The following PTPRD variants were observed in gnomAD, a reference collection of about 807,000 sequenced individuals.
The protein encoded by PTPRD is protein tyrosine phosphatase receptor type D.
PTPRD carries 34 observed loss-of-function variants against 214.5 expected under a neutral mutation model. The ratio of observed to expected loss-of-function variants is 0.16; its 90% confidence interval spans 0.12 to 0.21. PTPRD has a LOEUF of 0.21. PTPRD is among the 10% of genes least tolerant of loss of function. The pLI is 1.00. For synonymous variants in PTPRD, 1,128 were observed against 845.7 expected, an observed-to-expected ratio of 1.33 and a Z score of -5.79; for missense variants, 2,545 against 2,398.7, an observed-to-expected ratio of 1.06 and a Z score of -1.27.
intron 7 of PTPRD, among the ~76,000 whole-genome samples, chr9:9,609,438 A>G (rs1353774920): frequency 1.3e-5 from 2 of 152,176 alleles, no homozygotes; most frequent in African/African-American, 2.4e-5. Flanking sequence ...ATGTATATCA[A>G]GTAACAATGT....
chr9:10,107,540 C>G (rs2098646527), intron 3 of PTPRD, among the ~76,000 whole-genome samples: 1 of 152,068 alleles, frequency 6.6e-6, no homozygotes, highest in Non-Finnish European at 1.5e-5. Flanking sequence ...CTTAAGCAAT[C>G]TCATCTGTCC....
chr9:8,351,371 T>C (rs950234405), intron 39 of PTPRD, among the ~76,000 whole-genome samples: 4 of 151,964 alleles, frequency 2.6e-5, no homozygotes, highest in African/African-American at 7.2e-5. Context: ...GCAGTACAGA[T>C]AAACTTTCAC....
chr9:8,757,641 TACATAC>T (rs1231930798), intron 11 of PTPRD, among the ~76,000 whole-genome samples: 1,582 of 141,134 alleles, frequency 0.011, 21 homozygotes, highest in African/African-American at 0.034. Flanking sequence ...TATATATATA[TACATAC>T]ATATATACAT....
chr9:9,410,096 T>C (rs1319543460), intron 8 of PTPRD, among the ~76,000 whole-genome samples: 1 of 152,142 alleles, frequency 6.6e-6, no homozygotes, highest in South Asian at 2.1e-4. Flanking sequence ...AGCAGCCTTA[T>C]ACAAATTCAA....
At chr9:8,373,764 C>G (rs1265211610) in intron 39 of PTPRD, among the ~76,000 whole-genome samples, 1 of 151,388 alleles carries the variant, frequency 6.6e-6, no homozygotes, top group Non-Finnish European at 1.5e-5. Context: ...AAACCCATAC[C>G]TTGCTTATAA....
At chr9:10,194,185 C>T (rs1483418189) in intron 3 of PTPRD, among the ~76,000 whole-genome samples, 1 of 151,958 alleles carries the variant, frequency 6.6e-6, no homozygotes, top group African/African-American at 2.4e-5. Context: ...TCGTGCTTCT[C>T]ACTTTATCCT....
At chr9:9,629,098 C>G (rs186216932) in intron 7 of PTPRD, among the ~76,000 whole-genome samples, 3 of 151,426 alleles carry the variant, frequency 2.0e-5, no homozygotes, top group African/African-American at 7.3e-5. Flanking sequence ...CACTTGAACC[C>G]GGGAGGCGGA....
At chr9:10,504,115 C>CAACAAAAAAAA (rs1555439817) in intron 2 of PTPRD, among the ~76,000 whole-genome samples, 1 of 26,964 alleles carries the variant, frequency 3.7e-5, no homozygotes, top group African/African-American at 1.8e-4. Context: ...GACTCTGTCT[C>CAACAAAAAAAA]AAAAAAAAAA....
intron 4 of PTPRD, among the ~76,000 whole-genome samples, chr9:9,955,506 T>TTTTTG (rs1206298867): frequency 5.3e-5 from 8 of 149,890 alleles, no homozygotes; most frequent in African/African-American, 7.4e-5. Context: ...GTTTTCGTTT[T>TTTTTG]TTTTGTTTTG....
chr9:8,926,531 G>A (rs930105065), intron 11 of PTPRD, among the ~76,000 whole-genome samples: 4 of 152,116 alleles, frequency 2.6e-5, no homozygotes, highest in Non-Finnish European at 5.9e-5. Context: ...TGTTTTAACT[G>A]AAAATTTCTT....
intron 8 of PTPRD, among the ~76,000 whole-genome samples, chr9:9,404,877 T>C (rs552052907): frequency 6.6e-6 from 1 of 152,186 alleles, no homozygotes. Flanking sequence ...CTGTGCTAGA[T>C]GGGATGGTTT....
At chr9:9,689,303 T>C (rs1356165060) in intron 7 of PTPRD, among the ~76,000 whole-genome samples, 1 of 151,904 alleles carries the variant, frequency 6.6e-6, no homozygotes, top group Non-Finnish European at 1.5e-5. Flanking sequence ...CTGTGTTATG[T>C]TAATCATTCC....
chr9:10,399,482 T>A (rs1436773475), intron 2 of PTPRD, among the ~76,000 whole-genome samples: 1 of 151,964 alleles, frequency 6.6e-6, no homozygotes, highest in African/African-American at 2.4e-5. Flanking sequence ...CTAAAATGTG[T>A]TCAGGCAGTG....
At chr9:8,328,709 C>T (rs1039299798) in intron 44 of PTPRD, among the ~76,000 whole-genome samples, 17 of 151,926 alleles carry the variant, frequency 1.1e-4, no homozygotes, top group African/African-American at 2.7e-4. Context: ...CCATATTTCT[C>T]GGAGGCTTTG....
intron 11 of PTPRD, among the ~76,000 whole-genome samples, chr9:8,828,359 A>G (rs2097215429): frequency 6.6e-6 from 1 of 152,196 alleles, no homozygotes; most frequent in East Asian, 1.9e-4. Flanking sequence ...TGCTCTTATA[A>G]GAAGAAACAT....
intron 10 of PTPRD, among the ~76,000 whole-genome samples, chr9:9,074,906 C>T (rs547237744): frequency 7.5e-6 from 1 of 133,030 alleles, no homozygotes; most frequent in East Asian, 2.2e-4. Flanking sequence ...GTATTTTGGG[C>T]AAAAAAAAAA....
At chr9:9,519,326 G>A (rs1359259328) in intron 8 of PTPRD, among the ~76,000 whole-genome samples, 1 of 148,028 alleles carries the variant, frequency 6.8e-6, no homozygotes, top group African/African-American at 2.5e-5. Context: ...ATACAAAGTA[G>A]AAGAAAGACA....
chr9:9,173,364 A>C (rs2099922633), intron 10 of PTPRD, among the ~76,000 whole-genome samples: 1 of 152,150 alleles, frequency 6.6e-6, no homozygotes, highest in African/African-American at 2.4e-5. Context: ...CTGGGTGTCT[A>C]TTCGGATGGG....
chr9:10,275,640 C>T (rs1486101280), intron 3 of PTPRD, among the ~76,000 whole-genome samples: 1 of 152,102 alleles, frequency 6.6e-6, no homozygotes, highest in Admixed American at 6.5e-5. Flanking sequence ...GTATCCATTC[C>T]CTCTCTTTCA....
Sources: gnomAD v4.1 joint callset for allele counts (sites outside exome capture counted in the v4.1 genomes callset) on GRCh38, gnomAD v4.1.1 for gene constraint, MANE v1.5 for transcripts, NCBI Gene and HGNC (gene_info 2026-07-23, HGNC 2026-07-21) for gene names.